The following MED12L variants were observed in gnomAD, a reference collection of about 807,000 sequenced individuals.
The protein encoded by MED12L is mediator of RNA polymerase II transcription subunit 12-like protein.
A neutral mutation model predicts 281.3 loss-of-function variants in MED12L; 60 were observed. That is an observed-to-expected ratio of 0.21 (90% CI 0.17 to 0.26). The LOEUF is 0.26. Ranked by LOEUF, MED12L falls within the 10% of genes least tolerant of loss-of-function variation. MED12L has a pLI of 1.00. For synonymous variants in MED12L, 974 were observed against 987.2 expected, an observed-to-expected ratio of 0.99 and a Z score of 0.25; for missense variants, 2,146 against 2,680.9, an observed-to-expected ratio of 0.80 and a Z score of 4.41.
intron 36 of MED12L, among the ~76,000 whole-genome samples, chr3:151,387,340 A>C (rs1260613505): frequency 6.6e-6 from 1 of 152,182 alleles, no homozygotes; most frequent in Non-Finnish European, 1.5e-5. Context: ...TATTGAACCA[A>C]GTTCATGCAG....
chr3:151,277,856 A>T (rs1234539298), intron 16 of MED12L, among the ~76,000 whole-genome samples: 1 of 152,260 alleles, frequency 6.6e-6, no homozygotes, highest in East Asian at 1.9e-4. Context: ...AGTAAATGCA[A>T]CTATATATCT....
chr3:151,135,622 GC>G (rs1716037319), intron 5 of MED12L, among the ~76,000 whole-genome samples: 1 of 152,180 alleles, frequency 6.6e-6, no homozygotes, highest in Non-Finnish European at 1.5e-5. Context: ...CCACTAGAGT[GC>G]CTGCTCCTCA....
chr3:151,323,301 T>C (rs1375557005), intron 16 of MED12L, among the ~76,000 whole-genome samples: 1 of 152,154 alleles, frequency 6.6e-6, no homozygotes, highest in Admixed American at 6.5e-5. Context: ...CTTCCTTCAG[T>C]CTAGAATCAT....
chr3:151,186,895 A>G (rs188684455), intron 12 of MED12L, among the ~76,000 whole-genome samples: 218 of 152,330 alleles, frequency 1.4e-3, no homozygotes, highest in African/African-American at 5.1e-3. Flanking sequence ...TTGGCACAGA[A>G]TAGTGCTCAC....
chr3:151,363,914 A>G (rs569607353), intron 21 of MED12L, among the ~76,000 whole-genome samples: 53 of 152,282 alleles, frequency 3.5e-4, no homozygotes, highest in African/African-American at 1.1e-3. Flanking sequence ...GACAGTGGCA[A>G]TAGTTTAGAA....
rs1310419886 is a variant in MED12L at position 151,435,723 on chromosome 3, C to CAAATT, written c.*2922_*2926dup. ...ATAAGATCAATCATTTAATATTCCC[C>CAAATT]AAATTAATTCAGGTTGAATTAAGCA... On this transcript the variant is annotated 3_prime_UTR_variant, in exon 45 of 45. Transcript: ENST00000687756. 6.6e-6 allele frequency: 1 copy of CAAATT among 152,052 alleles called. No homozygotes were observed. Among genetic ancestry groups the CAAATT allele is most frequent in the Non-Finnish European group, 1.5e-5 (1 of 68,022 alleles). 9.4% of individuals were successfully genotyped at this position (152,052 alleles called of 1,614,324 possible). A position where few individuals can be genotyped will look rare whatever the true frequency, so the allele number is the denominator to read the frequency against.
intron 16 of MED12L, among the ~76,000 whole-genome samples, chr3:151,289,468 A>G (rs953488017): frequency 6.6e-6 from 1 of 152,216 alleles, no homozygotes; most frequent in African/African-American, 2.4e-5. Flanking sequence ...GTTTTTTGCA[A>G]AATACGTAGA....
At chr3:151,273,709 A>G (rs892372692) in intron 16 of MED12L, among the ~76,000 whole-genome samples, 1 of 152,212 alleles carries the variant, frequency 6.6e-6, no homozygotes, top group Non-Finnish European at 1.5e-5. Context: ...GTCTGATTCT[A>G]GAATGCCCAC....
chr3:151,100,465 GTGT>G (rs1233272202), intron 2 of MED12L, among the ~76,000 whole-genome samples: 1 of 152,216 alleles, frequency 6.6e-6, no homozygotes, highest in Non-Finnish European at 1.5e-5. Flanking sequence ...TTTGTTTGAA[GTGT>G]TGTTGGAATT....
rs1487321414 is a variant in MED12L, at chr3:151,109,573, A to C, written c.100-6765A>C. On this transcript the variant is annotated intron_variant, in intron 2 of 44. Coordinates refer to ENST00000687756, the MANE Select transcript of MED12L (RefSeq NM_001393769.1). Reference sequence around the variant, plus strand: ...CTTTGTTGTAAATCTGTTGAAATCCATGTGCACAATGGTTTGGTGCACTGC... The same window carrying C: ...CTTTGTTGTAAATCTGTTGAAATCCCTGTGCACAATGGTTTGGTGCACTGC... 2.0e-5 allele frequency among the ~76,000 whole-genome samples: 3 copies of C among 152,196 alleles called. No individual in the cohort carries two copies. The South Asian group carries it at 6.2e-4, about 32-fold the overall frequency.
intron 26 of MED12L, among the ~76,000 whole-genome samples, chr3:151,371,736 A>G (rs1190628766): frequency 6.6e-6 from 1 of 152,224 alleles, no homozygotes. Context: ...AGTAAAAGGC[A>G]AAAGTTTGAA....
chr3:151,154,040 C>A (rs142789345), intron 5 of MED12L, among the ~76,000 whole-genome samples: 465 of 152,244 alleles, frequency 3.1e-3, no homozygotes, highest in African/African-American at 5.6e-3. Context: ...GGCCACTGTC[C>A]GCTCATTGGT....
chr3:151,281,313 G>A (rs1017341427), intron 16 of MED12L, among the ~76,000 whole-genome samples: 7 of 151,556 alleles, frequency 4.6e-5, no homozygotes, highest in Non-Finnish European at 1.0e-4. Context: ...AGGAGGCTGA[G>A]GCAGGAGAAT....
chr3:151,203,208 G>A (rs1013158878), intron 16 of MED12L: 6 of 152,250 alleles, frequency 3.9e-5, no homozygotes, highest in Admixed American at 2.0e-4. Context: ...GCAGGCTGCT[G>A]GCTTTACTAA....
chr3:151,426,834 T>C (rs1178940833), intron 43 of MED12L, among the ~76,000 whole-genome samples: 3 of 151,754 alleles, frequency 2.0e-5, no homozygotes, highest in African/African-American at 7.3e-5. Context: ...TTTTTTTTTT[T>C]TGAGACAGGG....
intron 16 of MED12L, chr3:151,299,951 G>T (rs999175661): frequency 4.0e-6 from 3 of 754,716 alleles, no homozygotes. Flanking sequence ...AAAGCTAAAT[G>T]CTGGTTTATT....
intron 3 of MED12L, among the ~76,000 whole-genome samples, chr3:151,121,904 C>T (rs1021652535): frequency 2.0e-5 from 3 of 150,800 alleles, no homozygotes; most frequent in South Asian, 2.1e-4. Context: ...AGTAGAGATG[C>T]GGTTTCACTG....
At chr3:151,158,856 A>G (rs111800429) in intron 7 of MED12L, 57 bp downstream of exon 7, 3 of 1,116,930 alleles carry the variant, frequency 2.7e-6, no homozygotes, top group Non-Finnish European at 4.1e-6. Context: ...TGAGCCTGAT[A>G]AGAATGATTA....
chr3:151,270,546 T>G (rs950274993), intron 16 of MED12L, among the ~76,000 whole-genome samples: 5 of 152,320 alleles, frequency 3.3e-5, no homozygotes, highest in African/African-American at 1.2e-4. Context: ...CTGTGTATTA[T>G]GCTCAGAACA....
Sources: gnomAD v4.1 joint callset for allele counts (sites outside exome capture counted in the v4.1 genomes callset) on GRCh38, gnomAD v4.1.1 for gene constraint, MANE v1.5 for transcripts, NCBI Gene and HGNC (gene_info 2026-07-23, HGNC 2026-07-21) for gene names.